CAST: variants seen among roughly 807,000 people sequenced by gnomAD.
CAST encodes calpastatin, also known as MIR583 host.
CAST carries 76 observed loss-of-function variants against 119.6 expected under a neutral mutation model. That is an observed-to-expected ratio of 0.64 (90% CI 0.53 to 0.77). The LOEUF (loss-of-function observed/expected upper bound fraction) is 0.77. Among genes scored for constraint, CAST ranks in the 30% least tolerant of loss-of-function variants. The pLI, the probability that CAST is intolerant of heterozygous loss-of-function variation, is 0.00. For synonymous variants in CAST, 319 were observed against 331.6 expected (o/e 0.96, Z 0.41); for missense variants, 953 against 946.5 (o/e 1.01, Z -0.09).
At chr5:96,664,750 G>C (rs1243770524) in intron 1 of CAST, among the ~76,000 whole-genome samples, 2 of 152,160 alleles carry the variant, frequency 1.3e-5, no homozygotes, top group Non-Finnish European at 2.9e-5. Context: ...TTAAGAATTT[G>C]GAATTCCAAT....
At chr5:96,470,560 A>G in the CAST span, among the ~76,000 whole-genome samples, 1 of 152,094 alleles carries the variant, frequency 6.6e-6, no homozygotes, top group Non-Finnish European at 1.5e-5. Context: ...ATTTCAGAGC[A>G]CTGTGTGTCA....
At chr5:96,148,957 T>C in the CAST span, among the ~76,000 whole-genome samples, 1 of 152,236 alleles carries the variant, frequency 6.6e-6, no homozygotes. Flanking sequence ...TTTTCTAAAG[T>C]CTAAATTTCT....
chr5:96,162,866 A>G, the CAST span, among the ~76,000 whole-genome samples: 1 of 152,170 alleles, frequency 6.6e-6, no homozygotes, highest in African/African-American at 2.4e-5. Flanking sequence ...TATAGTTTTC[A>G]TGTCTTATGA....
the CAST span, among the ~76,000 whole-genome samples, chr5:96,455,421 C>T: frequency 6.6e-6 from 1 of 152,158 alleles, no homozygotes; most frequent in Admixed American, 6.5e-5. Flanking sequence ...CTTCTGGAAA[C>T]AAGAGTTGTT....
the CAST span, among the ~76,000 whole-genome samples, chr5:96,326,501 A>G: frequency 6.6e-6 from 1 of 151,976 alleles, no homozygotes; most frequent in East Asian, 1.9e-4. Context: ...CTACTTTAAG[A>G]CCCAGCTCAA....
chr5:96,675,127 A>C (rs1348582750), intron 1 of CAST, among the ~76,000 whole-genome samples: 1 of 152,164 alleles, frequency 6.6e-6, no homozygotes, highest in Non-Finnish European at 1.5e-5. Flanking sequence ...GAAGAACTCT[A>C]GGGAATTCCC....
intron 1 of CAST, among the ~76,000 whole-genome samples, chr5:96,593,151 G>A (rs1203924525): frequency 6.6e-6 from 1 of 152,216 alleles, no homozygotes; most frequent in Admixed American, 6.5e-5. Flanking sequence ...TCAAACTGCT[G>A]TCGTCCCCCA....
At chr5:96,417,178 T>C in the CAST span, among the ~76,000 whole-genome samples, 2 of 152,190 alleles carry the variant, frequency 1.3e-5, no homozygotes, top group African/African-American at 4.8e-5. Flanking sequence ...AATATAAAAT[T>C]CCTAAATTGA....
the CAST span, among the ~76,000 whole-genome samples, chr5:96,465,633 C>A: frequency 1.3e-5 from 2 of 152,096 alleles, no homozygotes; most frequent in East Asian, 1.9e-4. Context: ...ATTTTCATCA[C>A]CTTAAACATT....
At chr5:96,695,693 A>G in intron 2 of CAST, 143 bp from the exon 3 acceptor site, 1 of 497,446 alleles carries the variant, frequency 2.0e-6, no homozygotes, top group Non-Finnish European at 3.7e-6. Context: ...CGAAAAATTC[A>G]AAGCATATGT....
intron 21 of CAST, 55 bp from the exon 22 acceptor site, chr5:96,754,603 A>G (rs1765875163): frequency 9.3e-7 from 1 of 1,076,832 alleles, no homozygotes; most frequent in East Asian, 2.4e-5. Context: ...TCAGGCATGA[A>G]TTTTATGGAG....
the CAST span, among the ~76,000 whole-genome samples, chr5:96,478,904 C>T: frequency 6.6e-6 from 1 of 152,302 alleles, no homozygotes; most frequent in South Asian, 2.1e-4. Context: ...AGGGAGCGCA[C>T]TGGCCAGGTC....
At chr5:96,402,769 G>T in the CAST span, among the ~76,000 whole-genome samples, 1 of 152,066 alleles carries the variant, frequency 6.6e-6, no homozygotes, top group Non-Finnish European at 1.5e-5. Context: ...TGACAGCTCA[G>T]CTCACCTGAG....
the CAST span, among the ~76,000 whole-genome samples, chr5:96,088,199 A>G: frequency 6.6e-6 from 1 of 152,226 alleles, no homozygotes; most frequent in Non-Finnish European, 1.5e-5. Context: ...ATTTGTGCAC[A>G]CACTCAAAAA....
At chr5:96,376,450 TA>T in the CAST span, among the ~76,000 whole-genome samples, 3 of 151,802 alleles carry the variant, frequency 2.0e-5, no homozygotes, top group African/African-American at 7.3e-5. Flanking sequence ...TTTTTTTTTT[TA>T]TTTTTTTGAG....
intron 1 of CAST, among the ~76,000 whole-genome samples, chr5:96,613,936 C>T (rs17086373): frequency 0.014 from 2,110 of 152,224 alleles, 47 homozygotes; most frequent in African/African-American, 0.048. Context: ...GTGCCTTATA[C>T]TGTTTTTTAA....
At chr5:96,743,504 T>A in intron 16 of CAST, 1 of 1,370,698 alleles carries the variant, frequency 7.3e-7, no homozygotes, top group South Asian at 1.5e-5. Context: ...CTGGGGGTGC[T>A]GGCAGGCATT....
the CAST span, among the ~76,000 whole-genome samples, chr5:96,115,431 A>G: frequency 3.5e-3 from 533 of 152,272 alleles, 2 homozygotes; most frequent in African/African-American, 4.5e-3. Flanking sequence ...TAATGAATTA[A>G]CTCATTGATT....
chr5:96,314,731 G>T, the CAST span, among the ~76,000 whole-genome samples: 1 of 152,062 alleles, frequency 6.6e-6, no homozygotes, highest in Non-Finnish European at 1.5e-5. Flanking sequence ...CTTGTTTTAA[G>T]TCCTATTACG....
Sources: allele counts gnomAD v4.1 joint callset (sites outside exome capture counted in the v4.1 genomes callset), GRCh38; gene constraint gnomAD v4.1.1; transcripts MANE v1.5; gene names NCBI Gene and HGNC (gene_info 2026-07-23, HGNC 2026-07-21).